The following ARHGEF26 variants were observed in gnomAD, a reference collection of about 807,000 sequenced individuals.
ARHGEF26 encodes Rho guanine nucleotide exchange factor (GEF) 26.
ARHGEF26 carries 59 observed loss-of-function variants against 89.4 expected under a neutral mutation model. That is an observed-to-expected ratio of 0.66 (90% CI 0.54 to 0.82). The LOEUF (loss-of-function observed/expected upper bound fraction) is 0.82. ARHGEF26 is among the 40% of genes least tolerant of loss of function. ARHGEF26 has a pLI of 0.00. For missense variants in ARHGEF26, 1,234 were observed against 1,085.6 expected (o/e 1.14, Z -1.92); for synonymous variants, 500 against 428.4 (o/e 1.17, Z -2.06).
intron 4 of ARHGEF26, among the ~76,000 whole-genome samples, chr3:154,133,266 A>G (rs986392812): frequency 6.6e-5 from 10 of 152,156 alleles, no homozygotes; most frequent in Non-Finnish European, 1.5e-4. Context: ...GTGTTCAGCT[A>G]TACAGATGAC....
intron 6 of ARHGEF26, among the ~76,000 whole-genome samples, chr3:154,166,027 A>G (rs1712000652): frequency 6.6e-6 from 1 of 151,962 alleles, no homozygotes; most frequent in African/African-American, 2.4e-5. Flanking sequence ...TTGCTACAGT[A>G]TTTATTTATA....
chr3:154,134,061 G>T (rs553697009), intron 4 of ARHGEF26, among the ~76,000 whole-genome samples: 7 of 152,278 alleles, frequency 4.6e-5, no homozygotes, highest in African/African-American at 1.7e-4. Context: ...AGACTTTGCT[G>T]AAGTTTTTTT....
At chr3:154,232,841 TC>T (rs1418360984) in intron 11 of ARHGEF26, among the ~76,000 whole-genome samples, 13 of 151,574 alleles carry the variant, frequency 8.6e-5, no homozygotes, top group Admixed American at 6.6e-5. Context: ...TTTCTTTCTT[TC>T]TTTTTTTTTT....
chr3:154,197,429 A>G (rs1455882122), intron 9 of ARHGEF26, among the ~76,000 whole-genome samples: 1 of 152,184 alleles, frequency 6.6e-6, no homozygotes, highest in African/African-American at 2.4e-5. Context: ...TGTTTGCTTT[A>G]TCAGAGAAAT....
intron 4 of ARHGEF26, among the ~76,000 whole-genome samples, chr3:154,142,545 G>A (rs1043005111): frequency 1.3e-5 from 2 of 152,114 alleles, no homozygotes; most frequent in African/African-American, 4.8e-5. Flanking sequence ...TTTTGCTCAG[G>A]TTAGATTTTT....
intron 11 of ARHGEF26, among the ~76,000 whole-genome samples, chr3:154,230,108 G>C (rs1172735672): frequency 6.6e-6 from 1 of 152,112 alleles, no homozygotes; most frequent in Non-Finnish European, 1.5e-5. Context: ...CTTCTATCTG[G>C]CTTAGGTCTT....
At position 154,257,155 on chromosome 3, in the gene ARHGEF26, C is replaced by T. The variant is rs1718575382; in HGVS notation, c.*1682C>T. 1.5e-6 allele frequency: 1 copy of T among 654,230 alleles called. No homozygotes were observed. Among genetic ancestry groups the T allele is most frequent in the Admixed American group, 3.6e-5 (1 of 27,970 alleles). The allele number at this position is 654,230 out of a possible 1,614,324, so 40.5% of individuals were successfully genotyped here. The stretch of plus-strand genomic sequence containing the variant: ...CACAGCCTGCACCCTGTCACCTCGG[C>T]AATGAGCCAGTGTGGGGCACTGGGG... On this transcript the variant is annotated 3_prime_UTR_variant, in exon 15 of 15. Transcript: ENST00000465093.
rs545111641 is a variant in ARHGEF26 at position 154,166,313 on chromosome 3, A to G, written c.1487+13381A>G. On this transcript the variant is annotated intron_variant, in intron 6 of 14. Transcript: ENST00000465093. Reference sequence around the variant, plus strand: ...GATCCGCCCGCCTTGGCCTCCCAAAATGCTGGGATTACAGGCATGAGCCAC... The same window carrying G: ...GATCCGCCCGCCTTGGCCTCCCAAAGTGCTGGGATTACAGGCATGAGCCAC... Among the ~76,000 whole-genome samples, 29 of 152,208 alleles carry G rather than the reference A, an allele frequency of 1.9e-4. No homozygotes were observed. In the East Asian group the frequency reaches 2.9e-3, roughly 15 times the overall value.
rs551502162 is a variant in ARHGEF26 at position 154,149,156 on chromosome 3, A to AT, written c.1270-232dup. Among the ~76,000 whole-genome samples the AT allele has an allele frequency of 9.1e-4, 138 of 152,298 alleles. 1 individual carries two copies. The highest frequency in any genetic ancestry group is 3.3e-3 in the African/African-American group (136 of 41,578). ...ACAGTATCAGCTTTCTAGAGTTTGT[A>AT]TGAGGATTCAATGGGAAAAAGAGTA... On this transcript the variant is annotated intron_variant, in intron 4 of 14. Coordinates refer to ENST00000465093, the MANE Select transcript of ARHGEF26 (RefSeq NM_015595.4).
intron 10 of ARHGEF26, among the ~76,000 whole-genome samples, chr3:154,224,425 C>T (rs1439053071): frequency 6.6e-6 from 1 of 152,162 alleles, no homozygotes; most frequent in East Asian, 1.9e-4. Flanking sequence ...ATTTAAAAAT[C>T]TTTCTTTCTC....
chr3:154,227,163 A>G (rs1559912853), intron 11 of ARHGEF26, among the ~76,000 whole-genome samples: 1 of 152,220 alleles, frequency 6.6e-6, no homozygotes, highest in African/African-American at 2.4e-5. Flanking sequence ...CCATAATGTG[A>G]CAATGATACA....
chr3:154,124,626 G>A (rs1718218310), intron 3 of ARHGEF26, among the ~76,000 whole-genome samples, 177 bp downstream of exon 3: 1 of 151,946 alleles, frequency 6.6e-6, no homozygotes. Context: ...AATACTAATG[G>A]TGAATATAGT....
chr3:154,173,960 T>C (rs1261156524), intron 6 of ARHGEF26, among the ~76,000 whole-genome samples: 1 of 152,252 alleles, frequency 6.6e-6, no homozygotes, highest in Non-Finnish European at 1.5e-5. Context: ...CATTTGAAGA[T>C]GATAATAGTA....
chr3:154,123,813 T>C (rs368216210), intron 2 of ARHGEF26, among the ~76,000 whole-genome samples: 17 of 152,202 alleles, frequency 1.1e-4, no homozygotes, highest in Non-Finnish European at 2.1e-4. Context: ...GCTGCACTTA[T>C]TAAAATATTG....
At chr3:154,243,808 G>A (rs1005345998) in intron 12 of ARHGEF26, among the ~76,000 whole-genome samples, 2 of 123,468 alleles carry the variant, frequency 1.6e-5, no homozygotes, top group Non-Finnish European at 3.1e-5. Context: ...ACATAAAATA[G>A]TATTGGTGTT....
chr3:154,123,533 T>C (rs1718132115), intron 2 of ARHGEF26, among the ~76,000 whole-genome samples: 1 of 152,236 alleles, frequency 6.6e-6, no homozygotes, highest in Non-Finnish European at 1.5e-5. Flanking sequence ...TTGATTATTT[T>C]TTGCTTTTAC....
chr3:154,253,846 T>TA (rs1357582216), intron 13 of ARHGEF26, among the ~76,000 whole-genome samples: 2 of 152,198 alleles, frequency 1.3e-5, no homozygotes, highest in African/African-American at 4.8e-5. Context: ...ATTATAGCTT[T>TA]AAGCTTAGAT....
At chr3:154,179,332 C>T (rs1199247077) in intron 6 of ARHGEF26, among the ~76,000 whole-genome samples, 5 of 152,218 alleles carry the variant, frequency 3.3e-5, no homozygotes, top group African/African-American at 1.2e-4. Context: ...GTTCAAACTA[C>T]TCTCTCACCT....
Position 154,255,500 on chromosome 3 carries a change from A to T in ARHGEF26, c.*27A>T, listed in dbSNP as rs768331532. ...CTCTCAGATGGTCTTTTGTTACTGC[A>T]AGATTTGCACGACACTTACCGGGCT... On this transcript the variant is annotated 3_prime_UTR_variant, in exon 15 of 15. Coordinates refer to ENST00000465093, the MANE Select transcript of ARHGEF26 (RefSeq NM_015595.4). 2.5e-6 allele frequency: 4 copies of T among 1,603,746 alleles called. No homozygotes were observed. In the African/African-American group the frequency reaches 4.0e-5, roughly 16 times the overall value.
Sources: gnomAD v4.1 joint callset for allele counts (sites outside exome capture counted in the v4.1 genomes callset) on GRCh38, gnomAD v4.1.1 for gene constraint, MANE v1.5 for transcripts, NCBI Gene and HGNC (gene_info 2026-07-23, HGNC 2026-07-21) for gene names.